The following TXLNB variants were observed in gnomAD, a reference collection of about 807,000 sequenced individuals.
TXLNB encodes beta-taxilin.
In TXLNB, 37 loss-of-function variants were observed where a neutral mutation model predicts 57.4. That is an observed-to-expected ratio of 0.64 (90% CI 0.50 to 0.85). The LOEUF (loss-of-function observed/expected upper bound fraction) is 0.85. TXLNB is among the 40% of genes least tolerant of loss of function. The probability of loss-of-function intolerance (pLI) is 0.00; values close to 1 mark genes in which losing one functional copy is unlikely to be tolerated. For missense variants in TXLNB, 848 were observed against 825.6 expected (o/e 1.03, Z -0.33); for synonymous variants, 302 against 309.6 (o/e 0.98, Z 0.26).
the TXLNB span, chr6:139,166,342 G>C: frequency 6.2e-7 from 1 of 1,613,870 alleles, no homozygotes; most frequent in Non-Finnish European, 8.5e-7. Context: ...ACCTGGAGAA[G>C]GACGACTACC....
the TXLNB span, among the ~76,000 whole-genome samples, chr6:139,207,632 T>C: frequency 6.6e-6 from 1 of 151,852 alleles, no homozygotes; most frequent in South Asian, 2.1e-4. Flanking sequence ...ATAACAAAGA[T>C]CATAGCAGAC....
At chr6:139,266,457 A>G (rs749829694) in intron 4 of TXLNB, among the ~76,000 whole-genome samples, 1 of 152,228 alleles carries the variant, frequency 6.6e-6, no homozygotes, top group Admixed American at 6.5e-5. Context: ...AAACACAACC[A>G]TCACTGGATG....
chr6:139,247,372 T>C (rs1776089266), intron 8 of TXLNB, among the ~76,000 whole-genome samples: 1 of 151,870 alleles, frequency 6.6e-6, no homozygotes, highest in South Asian at 2.1e-4. Context: ...GAACTCCTGA[T>C]CTTGTGATCC....
chr6:139,313,404 A>T, the TXLNB span, among the ~76,000 whole-genome samples: 1 of 152,008 alleles, frequency 6.6e-6, no homozygotes, highest in East Asian at 1.9e-4. Flanking sequence ...CTTTTGTTAC[A>T]TGGACTTTAG....
chr6:139,268,181 AG>A (rs970984023), intron 4 of TXLNB, among the ~76,000 whole-genome samples: 6 of 151,372 alleles, frequency 4.0e-5, no homozygotes, highest in Admixed American at 2.0e-4. Context: ...AAGATTACTA[AG>A]GGACATTTCA....
chr6:139,301,039 C>G, the TXLNB span, among the ~76,000 whole-genome samples: 1 of 152,156 alleles, frequency 6.6e-6, no homozygotes, highest in Admixed American at 6.5e-5. Context: ...AGTTAGGAGC[C>G]CAAACTGTAG....
the TXLNB span, among the ~76,000 whole-genome samples, chr6:139,232,719 G>A: frequency 3.9e-5 from 6 of 152,132 alleles, no homozygotes; most frequent in Non-Finnish European, 5.9e-5. Context: ...TGAAATGCTC[G>A]AATTTGTTTT....
chr6:139,299,474 C>T, the TXLNB span, among the ~76,000 whole-genome samples: 2 of 152,192 alleles, frequency 1.3e-5, no homozygotes, highest in African/African-American at 4.8e-5. Flanking sequence ...CTTTGAAGTC[C>T]TCAGGCCACC....
downstream of TXLNB, among the ~76,000 whole-genome samples, chr6:139,237,031 G>A (rs1489138643): frequency 6.6e-6 from 1 of 152,168 alleles, no homozygotes; most frequent in Non-Finnish European, 1.5e-5. Context: ...GTCATCATGG[G>A]TTGGGCTTTT....
chr6:139,321,130 C>T, the TXLNB span, among the ~76,000 whole-genome samples: 1 of 152,192 alleles, frequency 6.6e-6, no homozygotes, highest in Non-Finnish European at 1.5e-5. Context: ...ACTAGCCTGT[C>T]AGTGTAGAAG....
chr6:139,245,985 G>A (rs1237243566), intron 8 of TXLNB, among the ~76,000 whole-genome samples: 3 of 152,152 alleles, frequency 2.0e-5, no homozygotes, highest in African/African-American at 7.2e-5. Context: ...GAGCCACTGC[G>A]CCCAGCCAGT....
At chr6:139,228,183 G>A in the TXLNB span, among the ~76,000 whole-genome samples, 13 of 152,118 alleles carry the variant, frequency 8.5e-5, no homozygotes, top group Non-Finnish European at 1.8e-4. Context: ...GGATGCAGAT[G>A]ACAGCAACCC....
rs139428158 is a variant in TXLNB, at chr6:139,248,632, G to T, written c.1078-723C>A. Among the ~76,000 whole-genome samples the T allele has an allele frequency of 1.1e-4, 17 of 152,316 alleles. No individual in the cohort carries two copies. In the East Asian group the frequency reaches 3.3e-3, roughly 29 times the overall value. ...TTAACACATGGATCTGCATTTGAGG[G>T]ACCTGCACTTCTAATGGGAAGACCA... is the stretch of plus-strand genomic sequence containing the variant. On this transcript the variant is annotated intron_variant, in intron 7 of 9. Coordinates refer to ENST00000358430, the MANE Select transcript of TXLNB (RefSeq NM_153235.4).
chr6:139,166,024 T>A, the TXLNB span: 1 of 367,256 alleles, frequency 2.7e-6, no homozygotes, highest in Non-Finnish European at 4.9e-6. Flanking sequence ...CCAGCGGCTT[T>A]CTGGTATTCA....
At chr6:139,218,990 C>T in the TXLNB span, among the ~76,000 whole-genome samples, 1 of 152,148 alleles carries the variant, frequency 6.6e-6, no homozygotes, top group African/African-American at 2.4e-5. Context: ...GGTATAGGTT[C>T]GTTATCTTTC....
the TXLNB span, among the ~76,000 whole-genome samples, chr6:139,217,835 C>A: frequency 9.2e-5 from 13 of 141,254 alleles, no homozygotes; most frequent in Non-Finnish European, 1.9e-4. Context: ...TGCCACTGCA[C>A]TCCAGCCTGG....
chr6:139,163,701 C>T, the TXLNB span, among the ~76,000 whole-genome samples: 2 of 152,138 alleles, frequency 1.3e-5, no homozygotes, highest in South Asian at 2.1e-4. Context: ...TCAGTAAATT[C>T]TGAGTTCATT....
chr6:139,177,760 C>T, the TXLNB span: 5,598 of 152,092 alleles, frequency 0.037, 350 homozygotes, highest in Admixed American at 0.15. This position sits in a 1 kb window ranked among gnomAD's most constrained non-coding sequence, Gnocchi z 4.9. Flanking sequence ...GGTAAACTGA[C>T]CTATAACAGA....
chr6:139,218,557 A>G, the TXLNB span, among the ~76,000 whole-genome samples: 5,339 of 152,186 alleles, frequency 0.035, 280 homozygotes, highest in African/African-American at 0.12. Flanking sequence ...GTTCGAGACC[A>G]GCCTGACCAA....
Sources: gnomAD v4.1 joint callset for allele counts (sites outside exome capture counted in the v4.1 genomes callset) on GRCh38, gnomAD v4.1.1 for gene constraint, Gnocchi (gnomAD v3.1) non-coding constraint, MANE v1.5 for transcripts, NCBI Gene and HGNC (gene_info 2026-07-23, HGNC 2026-07-21) for gene names.